LAMA2: variants seen among roughly 807,000 people sequenced by gnomAD.
LAMA2 encodes laminin subunit alpha-2.
In LAMA2, 269 loss-of-function variants were observed where a neutral mutation model predicts 364.8. The ratio of observed to expected loss-of-function variants is 0.74; its 90% confidence interval spans 0.67 to 0.82. The LOEUF is 0.82. LAMA2 is among the 40% of genes least tolerant of loss of function. The pLI is 0.00. For missense variants in LAMA2, 3,807 were observed against 3,873.2 expected (o/e 0.98, Z 0.45); for synonymous variants, 1,379 against 1,370.6 (o/e 1.01, Z -0.14).
intron 12 of LAMA2, among the ~76,000 whole-genome samples, chr6:129,213,107 A>G (rs1248038660): frequency 6.6e-6 from 1 of 152,176 alleles, no homozygotes; most frequent in East Asian, 1.9e-4. Flanking sequence ...CCAAGATGTC[A>G]TGTAGTTAGA....
At chr6:129,340,830 C>CAAA (rs34264921) in intron 29 of LAMA2, among the ~76,000 whole-genome samples, 76 of 59,252 alleles carry the variant, frequency 1.3e-3, no homozygotes, top group African/African-American at 2.3e-3. Flanking sequence ...AGCTCTGTCT[C>CAAA]AAAAAAAAAA....
chr6:129,461,315 A>G (rs1783244691), intron 49 of LAMA2, among the ~76,000 whole-genome samples: 2 of 152,158 alleles, frequency 1.3e-5, no homozygotes, highest in African/African-American at 4.8e-5. Context: ...AGTTTCATAG[A>G]AGAAAGTAGC....
chr6:128,919,735 A>C (rs1778572809), intron 1 of LAMA2, among the ~76,000 whole-genome samples: 1 of 152,194 alleles, frequency 6.6e-6, no homozygotes, highest in African/African-American at 2.4e-5. Context: ...TCCTCTCTCT[A>C]AAATGCTGTC....
chr6:129,060,579 C>CG (rs1382044405), intron 3 of LAMA2, among the ~76,000 whole-genome samples: 2 of 152,212 alleles, frequency 1.3e-5, no homozygotes, highest in Non-Finnish European at 2.9e-5. Context: ...ACAAATGCCA[C>CG]ATTCCATCCT....
chr6:129,152,255 T>C (rs1778852957), intron 7 of LAMA2, among the ~76,000 whole-genome samples: 1 of 152,198 alleles, frequency 6.6e-6, no homozygotes, highest in Admixed American at 6.5e-5. Context: ...TGTTTATTCT[T>C]CTACTCAACA....
At chr6:129,275,280 C>T (rs762137559) in intron 17 of LAMA2, among the ~76,000 whole-genome samples, 7 of 151,932 alleles carry the variant, frequency 4.6e-5, no homozygotes, top group Non-Finnish European at 1.0e-4. Flanking sequence ...TTTATGTGCA[C>T]ATGGGAGATT....
intron 4 of LAMA2, among the ~76,000 whole-genome samples, chr6:129,130,611 A>G (rs148350931): frequency 7.2e-5 from 11 of 152,314 alleles, no homozygotes; most frequent in African/African-American, 2.2e-4. Flanking sequence ...ATAGGAGAGA[A>G]AGGGTAATTT....
Position 129,414,814 on chromosome 6 carries a change from C to G in LAMA2, c.5865+10855C>G, listed in dbSNP as rs182225127. Reference sequence around the variant, plus strand: ...TCCCCTAACCTAACTTTTCTCTCAACTAAGCTCACAGCTCCAGGATCAACA... The same window carrying G: ...TCCCCTAACCTAACTTTTCTCTCAAGTAAGCTCACAGCTCCAGGATCAACA... On this transcript the variant is annotated intron_variant, in intron 40 of 64. Transcript: ENST00000421865. Among the ~76,000 whole-genome samples, 773 of 152,292 alleles carry G rather than the reference C, an allele frequency of 5.1e-3. 3 individuals carry two copies. The highest frequency in any genetic ancestry group is 7.8e-3 in the Non-Finnish European group (528 of 68,000).
intron 1 of LAMA2, among the ~76,000 whole-genome samples, chr6:128,933,228 T>G (rs927911166): frequency 1.5e-5 from 2 of 131,566 alleles, no homozygotes; most frequent in East Asian, 4.1e-4. Context: ...CTCCCTCTCT[T>G]TCTGTGTGTG....
intron 1 of LAMA2, among the ~76,000 whole-genome samples, chr6:128,926,443 G>T (rs879600586): frequency 6.6e-6 from 1 of 152,098 alleles, no homozygotes; most frequent in Non-Finnish European, 1.5e-5. Context: ...ATAACAATCT[G>T]ATTTGTTCTC....
At chr6:129,200,772 A>C (rs1782237009) in intron 12 of LAMA2, among the ~76,000 whole-genome samples, 1 of 152,162 alleles carries the variant, frequency 6.6e-6, no homozygotes, top group Non-Finnish European at 1.5e-5. Context: ...TATCACATAC[A>C]TAGATGAATA....
chr6:129,398,203 A>G (rs1418667948), intron 37 of LAMA2, among the ~76,000 whole-genome samples: 2 of 152,164 alleles, frequency 1.3e-5, no homozygotes, highest in Non-Finnish European at 2.9e-5. Context: ...TGTACATGCT[A>G]TACTTTAAGT....
At chr6:128,893,162 A>C (rs1776564036) in intron 1 of LAMA2, among the ~76,000 whole-genome samples, 1 of 151,944 alleles carries the variant, frequency 6.6e-6, no homozygotes, top group Admixed American at 6.6e-5. Context: ...TCACTTAACT[A>C]TTCTGAAATT....
At chr6:129,244,454 T>G (rs894517922) in intron 12 of LAMA2, among the ~76,000 whole-genome samples, 1 of 152,090 alleles carries the variant, frequency 6.6e-6, no homozygotes, top group African/African-American at 2.4e-5. Flanking sequence ...AAATGGAAAT[T>G]GACAGATATG....
At chr6:129,276,906 CAT>C (rs912474441) in intron 17 of LAMA2, among the ~76,000 whole-genome samples, 5 of 151,964 alleles carry the variant, frequency 3.3e-5, no homozygotes, top group African/African-American at 9.7e-5. Context: ...CATACATAAA[CAT>C]ATATAGATTG....
At chr6:129,476,388 C>T (rs1784068738) in intron 53 of LAMA2, among the ~76,000 whole-genome samples, 2 of 152,244 alleles carry the variant, frequency 1.3e-5, no homozygotes, top group South Asian at 2.1e-4. Flanking sequence ...GGCTAAAAAG[C>T]GAAGGCTGGC....
In LAMA2 at chr6:129,154,609, T is replaced by C. The variant is rs767352336; in HGVS notation, c.1132T>C (p.Cys378Arg). The change falls in exon 8 of 65, where the codon TGC becomes CGC. Residue 378 changes from cysteine to arginine, a missense_variant. By Grantham distance (180) the Cys-to-Arg change is radical. This residue lies in a region of LAMA2 where 80 missense variants were observed against 124.0 expected (regional missense o/e 0.65). Coordinates refer to ENST00000421865, the MANE Select transcript of LAMA2 (RefSeq NM_000426.4). ...TGGAAAGTACATTGGAGGGGGTGTC[T>C]GCATTAATTGTACCCAAAACACTGC... Reference protein sequence around the residue: ...IRGKYIGGGVCINCTQNTAGI... With the variant: ...IRGKYIGGGVRINCTQNTAGI... 6.2e-7 allele frequency: 1 copy of C among 1,614,014 alleles called. No homozygotes were observed. Among genetic ancestry groups the C allele is most frequent in the South Asian group, 1.1e-5 (1 of 91,090 alleles).
chr6:129,481,258 C>T lies in LAMA2; in HGVS notation c.7573-5C>T, dbSNP rs186899315. ...GTTTCTACTCTTCTTTTCCTTTACT[C>T]ACAGAATGTTTACACAGTTAGCTTT... On this transcript the variant is annotated splice_region_variant and splice_polypyrimidine_tract_variant and intron_variant, in intron 54 of 64. Transcript: ENST00000421865. 1 of 1,612,412 alleles carries T rather than the reference C, an allele frequency of 6.2e-7. No individual in the cohort carries two copies. The highest frequency in any genetic ancestry group is 8.5e-7 in the Non-Finnish European group (1 of 1,178,570).
chr6:129,140,575 G>C (rs1778067439), intron 4 of LAMA2, among the ~76,000 whole-genome samples: 1 of 152,002 alleles, frequency 6.6e-6, no homozygotes, highest in Non-Finnish European at 1.5e-5. Flanking sequence ...GTGGTCTTGG[G>C]GATGGATACA....
Sources: gnomAD v4.1 joint callset for allele counts (sites outside exome capture counted in the v4.1 genomes callset) on GRCh38, gnomAD v4.1.1 for gene constraint, gnomAD v4.1.1 regional missense constraint, MANE v1.5 for transcripts, NCBI Gene and HGNC (gene_info 2026-07-23, HGNC 2026-07-21) for gene names.